Variants in RALGPS1 observed in about 807,000 individuals in gnomAD.
RALGPS1 encodes ras-specific guanine nucleotide-releasing factor RalGPS1.
In RALGPS1, 19 loss-of-function variants were observed where a neutral mutation model predicts 78.8. The ratio of observed to expected loss-of-function variants is 0.24; its 90% confidence interval spans 0.17 to 0.35. The LOEUF is 0.35. Among genes scored for constraint, RALGPS1 ranks in the 10% least tolerant of loss-of-function variants. The probability of loss-of-function intolerance (pLI) is 1.00; values close to 1 mark genes in which losing one functional copy is unlikely to be tolerated. For missense variants in RALGPS1, 454 were observed against 688.3 expected (o/e 0.66, Z 3.81); for synonymous variants, 228 against 256.3 (o/e 0.89, Z 1.06).
intron 4 of RALGPS1, among the ~76,000 whole-genome samples, chr9:127,002,164 C>A (rs2043371221): frequency 6.6e-6 from 1 of 152,118 alleles, no homozygotes; most frequent in Non-Finnish European, 1.5e-5. Flanking sequence ...AACCATGATT[C>A]TATCACCATA....
chr9:127,004,521 G>T (rs1473302722), intron 4 of RALGPS1, among the ~76,000 whole-genome samples: 1 of 152,170 alleles, frequency 6.6e-6, no homozygotes, highest in Non-Finnish European at 1.5e-5. Context: ...GGTTGGGATG[G>T]CATGAAGTGC....
At chr9:127,150,936 C>T (rs2058380469) in intron 8 of RALGPS1, among the ~76,000 whole-genome samples, 1 of 152,142 alleles carries the variant, frequency 6.6e-6, no homozygotes, top group Non-Finnish European at 1.5e-5. Context: ...GTAATCCCAG[C>T]ACTTTGGGAG....
chr9:127,007,350 T>C (rs961095514), intron 4 of RALGPS1, among the ~76,000 whole-genome samples: 1 of 152,232 alleles, frequency 6.6e-6, no homozygotes, highest in Admixed American at 6.5e-5. Context: ...GGGTGCTTCC[T>C]TAGGCACCAG....
chr9:126,926,812 G>C (rs1471210109), intron 1 of RALGPS1, among the ~76,000 whole-genome samples: 1 of 152,084 alleles, frequency 6.6e-6, no homozygotes, highest in Non-Finnish European at 1.5e-5. Flanking sequence ...GGAGAAGGCA[G>C]GTTCAAAAGA....
intron 6 of RALGPS1, among the ~76,000 whole-genome samples, chr9:127,052,525 G>A (rs925638218): frequency 1.3e-5 from 2 of 152,136 alleles, no homozygotes; most frequent in South Asian, 2.1e-4. Context: ...TGGCACAGTC[G>A]GGGTTTTAGT....
intron 5 of RALGPS1, among the ~76,000 whole-genome samples, chr9:127,038,806 C>G (rs1313031552): frequency 7.9e-5 from 12 of 152,174 alleles, no homozygotes. Context: ...GGGTCTGTTC[C>G]TTCAATCTGA....
chr9:127,123,417 CT>C (rs1278521050), intron 8 of RALGPS1, among the ~76,000 whole-genome samples: 1 of 152,170 alleles, frequency 6.6e-6, no homozygotes, highest in Non-Finnish European at 1.5e-5. Flanking sequence ...AGTAATCTAC[CT>C]GCAACAGCTG....
At chr9:127,003,761 G>A (rs1288407446) in intron 4 of RALGPS1, among the ~76,000 whole-genome samples, 1 of 151,932 alleles carries the variant, frequency 6.6e-6, no homozygotes, top group Non-Finnish European at 1.5e-5. Flanking sequence ...GGATGTGCAG[G>A]TTTGTTACAT....
chr9:127,138,054 A>G (rs1041644932), intron 8 of RALGPS1, among the ~76,000 whole-genome samples: 2 of 152,206 alleles, frequency 1.3e-5, no homozygotes, highest in Non-Finnish European at 1.5e-5. Flanking sequence ...AGAACCTCAA[A>G]TGGGAGAGCT....
chr9:127,098,297 G>A (rs1158157649), intron 8 of RALGPS1, among the ~76,000 whole-genome samples: 2 of 152,210 alleles, frequency 1.3e-5, no homozygotes, highest in South Asian at 4.1e-4. Flanking sequence ...GTACCTAGCG[G>A]TGTTTAACTT....
chr9:127,040,155 C>A (rs1329218108), intron 5 of RALGPS1, among the ~76,000 whole-genome samples: 3 of 152,180 alleles, frequency 2.0e-5, no homozygotes, highest in Non-Finnish European at 4.4e-5. Flanking sequence ...AATCCCAGCA[C>A]TTTGGGAGGC....
intron 3 of RALGPS1, among the ~76,000 whole-genome samples, chr9:126,975,638 C>T (rs2040535332): frequency 6.6e-6 from 1 of 152,138 alleles, no homozygotes; most frequent in Non-Finnish European, 1.5e-5. Flanking sequence ...CTTGATGGAT[C>T]TGGCAGAAGA....
intron 8 of RALGPS1, among the ~76,000 whole-genome samples, chr9:127,101,753 G>A (rs1313568048): frequency 6.6e-6 from 1 of 152,066 alleles, no homozygotes; most frequent in East Asian, 1.9e-4. Context: ...TGTTCATTTG[G>A]ACCCTACTCT....
At chr9:127,022,735 A>G (rs2045580156) in intron 4 of RALGPS1, among the ~76,000 whole-genome samples, 1 of 152,040 alleles carries the variant, frequency 6.6e-6, no homozygotes, top group Admixed American at 6.6e-5. Context: ...CCTCCCCTAG[A>G]TACCTGCAGA....
chr9:126,986,024 G>A (rs1305002102), intron 4 of RALGPS1, among the ~76,000 whole-genome samples: 1 of 152,238 alleles, frequency 6.6e-6, no homozygotes, highest in Non-Finnish European at 1.5e-5. Context: ...ACCACTTCCC[G>A]CAAAGCAAGG....
intron 8 of RALGPS1, among the ~76,000 whole-genome samples, chr9:127,133,623 C>T (rs952051769): frequency 2.6e-5 from 4 of 152,214 alleles, no homozygotes; most frequent in Non-Finnish European, 4.4e-5. Flanking sequence ...TTCTGGGCAG[C>T]CCCAGGTTTG....
chr9:127,111,641 A>C (rs763866065), intron 8 of RALGPS1, among the ~76,000 whole-genome samples: 4 of 152,226 alleles, frequency 2.6e-5, no homozygotes, highest in Non-Finnish European at 5.9e-5. Context: ...AAGGTCCGCT[A>C]TATACCTGAC....
chr9:126,933,127 G>A (rs536852206), intron 1 of RALGPS1, among the ~76,000 whole-genome samples: 6 of 152,144 alleles, frequency 3.9e-5, no homozygotes, highest in African/African-American at 7.2e-5. Flanking sequence ...GGAAGGCGGC[G>A]CTGGTGTGGC....
chr9:127,101,075 A>G (rs1464311773), intron 8 of RALGPS1, among the ~76,000 whole-genome samples: 1 of 152,124 alleles, frequency 6.6e-6, no homozygotes, highest in Non-Finnish European at 1.5e-5. Context: ...TACCTTCCTC[A>G]TCACCTCCTT....
Sources: gnomAD v4.1 joint callset for allele counts (sites outside exome capture counted in the v4.1 genomes callset) on GRCh38, gnomAD v4.1.1 for gene constraint, MANE v1.5 for transcripts, NCBI Gene and HGNC (gene_info 2026-07-23, HGNC 2026-07-21) for gene names.